Variants in EPN2 observed in about 807,000 individuals in gnomAD.
EPN2 encodes epsin 2.
A neutral mutation model predicts 61.7 loss-of-function variants in EPN2; 34 were observed. The ratio of observed to expected loss-of-function variants is 0.55; its 90% CI spans 0.42 to 0.73. The LOEUF (loss-of-function observed/expected upper bound fraction) is 0.73. EPN2 is among the 30% of genes least tolerant of loss of function. EPN2 has a pLI of 0.00. For synonymous variants in EPN2, 349 were observed against 353.6 expected, an observed-to-expected ratio of 0.99 and a Z score of 0.15; for missense variants, 714 against 839.2, an observed-to-expected ratio of 0.85 and a Z score of 1.84.
At chr17:19,299,868 G>C (rs1905392490) in intron 4 of EPN2, among the ~76,000 whole-genome samples, 1 of 152,212 alleles carries the variant, frequency 6.6e-6, no homozygotes, top group African/African-American at 2.4e-5. Context: ...AGCGGTACCA[G>C]TGTTGCAGAG....
At chr17:19,263,743 C>A (rs75103282) in intron 1 of EPN2, among the ~76,000 whole-genome samples, 1 of 152,218 alleles carries the variant, frequency 6.6e-6, no homozygotes, top group South Asian at 2.1e-4. Flanking sequence ...CACCTTGGTG[C>A]ATTTGACCAG....
intron 4 of EPN2, among the ~76,000 whole-genome samples, chr17:19,295,654 A>G (rs757998383): frequency 6.6e-6 from 1 of 152,192 alleles, no homozygotes; most frequent in African/African-American, 2.4e-5. Context: ...AGTATGATTC[A>G]TAGTTGTTGT....
intron 7 of EPN2, among the ~76,000 whole-genome samples, chr17:19,316,605 T>C (rs1325851612): frequency 6.6e-6 from 1 of 152,250 alleles, no homozygotes; most frequent in African/African-American, 2.4e-5. Flanking sequence ...GTCTGCTTCC[T>C]GTCTTTTTTC....
Position 19,323,383 on chromosome 17 carries a change from A to G in EPN2, c.1148-5328A>G, listed in dbSNP as rs1460936533. 2.6e-5 allele frequency among the ~76,000 whole-genome samples: 4 copies of G among 152,216 alleles called. No homozygotes were observed. The East Asian group carries it at 5.8e-4, about 22-fold the overall frequency. ...ACACATATCTGTTTGGAGTTTCAGAAGAGCTAATATTTGAAAGCTGACAGG... is the reference window on the plus strand; with the variant it reads ...ACACATATCTGTTTGGAGTTTCAGAGGAGCTAATATTTGAAAGCTGACAGG... On this transcript the variant is annotated intron_variant, in intron 7 of 10. Coordinates refer to ENST00000314728, the MANE Select transcript of EPN2 (RefSeq NM_014964.5).
chr17:19,298,463 A>G (rs141454660), intron 4 of EPN2, among the ~76,000 whole-genome samples: 1 of 152,268 alleles, frequency 6.6e-6, no homozygotes, highest in East Asian at 1.9e-4. Context: ...TCAGCTTCCC[A>G]AAGTGTTGGA....
At chr17:19,310,264 C>G (rs548747691) in intron 5 of EPN2, among the ~76,000 whole-genome samples, 1 of 152,156 alleles carries the variant, frequency 6.6e-6, no homozygotes, top group African/African-American at 2.4e-5. Context: ...AAATGCTTCC[C>G]AGAAACACTT....
rs1244653427 is a variant in EPN2, at chr17:19,282,969, C to CGAATCT, written c.-148_-143dup. ...CTCTAGGTCATGGCTTCCAGCTTTT[C>CGAATCT]GAATCTGAGGCTCCAAAGGAGGAAA... is the stretch of plus-strand genomic sequence containing the variant. On this transcript the variant is annotated 5_prime_UTR_variant, in exon 3 of 11. Transcript: ENST00000314728. The CGAATCT allele has an allele frequency of 3.2e-6, 2 of 619,400 alleles. No individual in the cohort carries two copies. The highest frequency in any genetic ancestry group is 5.6e-6 in the Non-Finnish European group (2 of 358,850). The allele number at this position is 619,400 out of a possible 1,614,324, so 38.4% of individuals were successfully genotyped here.
At chr17:19,328,217 C>T (rs1906985439) in intron 7 of EPN2, among the ~76,000 whole-genome samples, 1 of 152,178 alleles carries the variant, frequency 6.6e-6, no homozygotes, top group Non-Finnish European at 1.5e-5. Context: ...TTTATATATG[C>T]TTCTGTCAGA....
intron 7 of EPN2, among the ~76,000 whole-genome samples, chr17:19,325,454 C>T (rs1906823052): frequency 6.6e-6 from 1 of 152,132 alleles, no homozygotes; most frequent in Non-Finnish European, 1.5e-5. Flanking sequence ...TACAAATGTA[C>T]CATATTAACA....
intron 4 of EPN2, among the ~76,000 whole-genome samples, chr17:19,290,745 A>G (rs1597998801): frequency 6.6e-6 from 1 of 150,434 alleles, no homozygotes; most frequent in East Asian, 2.0e-4. Flanking sequence ...AGGCAGGCAG[A>G]ATAGAAATCT....
chr17:19,317,013 T>C (rs1385179563), intron 7 of EPN2, among the ~76,000 whole-genome samples: 1 of 152,230 alleles, frequency 6.6e-6, no homozygotes. Flanking sequence ...ATTTATTGTT[T>C]AGCATCTAGT....
intron 9 of EPN2, among the ~76,000 whole-genome samples, chr17:19,331,443 G>A (rs1907150353): frequency 6.6e-6 from 1 of 151,170 alleles, no homozygotes; most frequent in African/African-American, 2.4e-5. Flanking sequence ...AATTTTAAAA[G>A]ACACAATTTG....
chr17:19,331,837 T>C lies in EPN2; in HGVS notation c.1412-16T>C. ...CCTGCCACACTCACCCTGCCATATG[T>C]GTCCTTGTCTTGTAGCCGAATCTGT... On this transcript the variant is annotated splice_polypyrimidine_tract_variant and intron_variant, in intron 9 of 10. Coordinates refer to ENST00000314728, the MANE Select transcript of EPN2 (RefSeq NM_014964.5). 1 of 1,609,674 alleles carries C rather than the reference T, an allele frequency of 6.2e-7. No homozygotes were observed. The highest frequency in any genetic ancestry group is 1.1e-5 in the South Asian group (1 of 90,958).
intron 4 of EPN2, among the ~76,000 whole-genome samples, chr17:19,306,520 T>C (rs1240751517): frequency 6.6e-6 from 1 of 152,254 alleles, no homozygotes; most frequent in African/African-American, 2.4e-5. Flanking sequence ...AGCTATGATG[T>C]GGTGAGCCAG....
chr17:19,245,419 CTTTT>C (rs57599278), intron 1 of EPN2, among the ~76,000 whole-genome samples: 5 of 134,428 alleles, frequency 3.7e-5, no homozygotes, highest in Non-Finnish European at 3.1e-5. Context: ...ATTTGGTAGT[CTTTT>C]TTTTTTTTTT....
rs1598026840 is a variant in EPN2 at position 19,329,644 on chromosome 17, A to G, written c.1408A>G (p.Thr470Ala). 6.4e-7 allele frequency: 1 copy of G among 1,562,610 alleles called. No homozygotes were observed. The highest frequency in any genetic ancestry group is 8.8e-7 in the Non-Finnish European group (1 of 1,133,606). The change falls in exon 9 of 11, where the codon ACA becomes GCA. Residue 470 changes from threonine (T) to alanine (A), a missense_variant. This residue lies in a region of EPN2 where 410 missense variants were observed against 421.8 expected (regional missense o/e 0.97). Transcript: ENST00000314728. Reference protein sequence around the residue: ...EFDNLRTSKKTAESVTSLPSQ... With the variant: ...EFDNLRTSKKAAESVTSLPSQ... ...TGACAACCTTCGGACTTCAAAAAAA[A>G]CAGGTATGTACAGGTGATGATGGTT...
chr17:19,267,871 G>A (rs1196791408), intron 1 of EPN2, among the ~76,000 whole-genome samples: 1 of 152,210 alleles, frequency 6.6e-6, no homozygotes, highest in Non-Finnish European at 1.5e-5. Flanking sequence ...ATTTGAATGG[G>A]CTAATTCCCG....
At chr17:19,272,400 A>G (rs962571886) in intron 1 of EPN2, among the ~76,000 whole-genome samples, 2 of 151,614 alleles carry the variant, frequency 1.3e-5, no homozygotes, top group South Asian at 2.1e-4. Context: ...CTGGAATTCT[A>G]CTCCCTCAGT....
chr17:19,254,298 T>A (rs750495340), intron 1 of EPN2, among the ~76,000 whole-genome samples: 1 of 151,938 alleles, frequency 6.6e-6, no homozygotes, highest in Non-Finnish European at 1.5e-5. Context: ...TCCCAGCACT[T>A]TGGGAGGCCA....
Sources: allele counts gnomAD v4.1 joint callset (sites outside exome capture counted in the v4.1 genomes callset), GRCh38; gene constraint gnomAD v4.1.1; regional missense constraint gnomAD v4.1.1; transcripts MANE v1.5; gene names NCBI Gene and HGNC (gene_info 2026-07-23, HGNC 2026-07-21).